Variants in PNPO observed in about 807,000 individuals in gnomAD.
PNPO encodes pyridoxine-5'-phosphate oxidase.
In PNPO, 39 loss-of-function variants were observed where a neutral mutation model predicts 35.0. The observed-to-expected ratio is 1.11, with a 90% confidence interval of 0.86 to 1.45. The LOEUF is 1.45. PNPO is among the 40% of genes most tolerant of loss of function. The probability of loss-of-function intolerance (pLI) is 0.00; values close to 1 mark genes in which losing one functional copy is unlikely to be tolerated. For synonymous variants in PNPO, 115 were observed against 119.8 expected (o/e 0.96, Z 0.26); for missense variants, 288 against 340.0 (o/e 0.85, Z 1.20).
intron 2 of PNPO, 132 bp downstream of exon 2, chr17:47,943,562 AC>A (rs1158394268): frequency 8.5e-5 from 94 of 1,102,670 alleles, no homozygotes; most frequent in Non-Finnish European, 2.8e-5. Context: ...TAGGCAAGAT[AC>A]TTGTCCTCTC....
rs906088958 is a variant in PNPO, at chr17:47,945,469, C to T, written c.364-90C>T. 8 of 965,012 alleles carry T rather than the reference C, an allele frequency of 8.3e-6. No individual in the cohort carries two copies. The highest frequency in any genetic ancestry group is 5.1e-5 in the Admixed American group (3 of 59,124). The allele number at this position is 965,012 out of a possible 1,614,324, so 59.8% of individuals were successfully genotyped here. A position where few individuals can be genotyped will look rare whatever the true frequency, so the allele number is the denominator to read the frequency against. ...GGTGGGTGCATCTGCTGTGGGCCTG[C>T]GCACTACAGCTCTCCTGCCTTTTCC... is the stretch of plus-strand genomic sequence containing the variant. On this transcript the variant is annotated intron_variant, in intron 3 of 6. Transcript: ENST00000642017. The surrounding 1 kb of genome is among the most constrained non-coding windows in gnomAD (Gnocchi z 4.0).
At position 47,945,765 on chromosome 17, in the gene PNPO, G is replaced by C; in HGVS notation, c.418-96G>C. 1 of 1,529,984 alleles carries C rather than the reference G, an allele frequency of 6.5e-7. No homozygotes were observed. The highest frequency in any genetic ancestry group is 1.9e-4 in the Middle Eastern group (1 of 5,336). The allele number at this position is 1,529,984 out of a possible 1,614,324, so 94.8% of individuals were successfully genotyped here. A position where few individuals can be genotyped will look rare whatever the true frequency, so the allele number is the denominator to read the frequency against. ...CCTCAGTTAGTTGGAGCCAAGAGTG[G>C]TGGGGCAGCCGATCGAACAGAGAGG... On this transcript the variant is annotated intron_variant, in intron 4 of 6. Transcript: ENST00000642017. This position sits in a 1 kb window ranked among gnomAD's most constrained non-coding sequence, Gnocchi z 4.0.
intron 6 of PNPO, 43 bp downstream of exon 6, chr17:47,946,436 C>G (rs767729475): frequency 6.6e-7 from 1 of 1,516,134 alleles, no homozygotes; most frequent in Non-Finnish European, 9.2e-7. Flanking sequence ...ACACCAGGCC[C>G]CTGTGTTTAC....
rs1469217093 is a variant in PNPO at position 47,945,168 on chromosome 17, C to T, written c.364-391C>T. The T allele has an allele frequency of 1.3e-5, 5 of 380,590 alleles. No homozygotes were observed. The highest frequency in any genetic ancestry group is 8.7e-4 in the Middle Eastern group (1 of 1,150). The allele number at this position is 380,590 out of a possible 1,614,324, so 23.6% of individuals were successfully genotyped here. ...TCTGTTTTATCTCTGCTGTATCCCC[C>T]GCACGTCTCCTGTTGTCAGACCCAG... On this transcript the variant is annotated intron_variant, in intron 3 of 6. Transcript: ENST00000642017. The surrounding 1 kb of genome is among the most constrained non-coding windows in gnomAD (Gnocchi z 4.0).
chr17:47,941,838 C>CT lies in PNPO; in HGVS notation c.138+26dup, dbSNP rs544265941. Reference sequence around the variant, plus strand: ...GGTGCCGCCGCTAGGGCCAGGCCTCCTGCAGGGGCGGGGGAAAAGGGGTCC... The same window carrying CT: ...GGTGCCGCCGCTAGGGCCAGGCCTCCTTGCAGGGGCGGGGGAAAAGGGGTCC... On this transcript the variant is annotated intron_variant, in intron 1 of 6. Coordinates refer to ENST00000642017, the MANE Select transcript of PNPO (RefSeq NM_018129.4). 72 of 1,547,054 alleles carry CT rather than the reference C, an allele frequency of 4.7e-5. No individual in the cohort carries two copies. The African/African-American group carries it at 9.2e-4, about 20-fold the overall frequency.
At chr17:47,946,024 G>A (rs1340333246) in intron 5 of PNPO, 35 bp downstream of exon 5, 3 of 1,611,764 alleles carry the variant, frequency 1.9e-6, no homozygotes, top group African/African-American at 2.7e-5. Context: ...TCCAGGTGGT[G>A]GAGGCTTTGG....
At chr17:47,943,543 C>T in intron 2 of PNPO, 113 bp downstream of exon 2, 1 of 1,342,530 alleles carries the variant, frequency 7.4e-7, no homozygotes, top group Non-Finnish European at 1.0e-6. Flanking sequence ...TTAACATGCT[C>T]TGTGGCTTTA....
chr17:47,943,413 T>C lies in PNPO; in HGVS notation c.246T>C (p.Cys82=), dbSNP rs779557873. Residue 82 remains cysteine (C), a synonymous_variant, in exon 2 of 7, where the codon TGT becomes TGC. Transcript: ENST00000642017. ...ACATAGGGGAAGCCAATGCCATGTG[T>C]CTGGCTACCTGCACCAGGTGGGCAT... is the stretch of plus-strand genomic sequence containing the variant. The part of the protein sequence containing the change: ...CPDIGEANAM[C]LATCTRDGKP... The C allele has an allele frequency of 6.2e-7, 1 of 1,613,848 alleles. No individual in the cohort carries two copies. The highest frequency in any genetic ancestry group is 1.1e-5 in the South Asian group (1 of 91,084).
rs1422780596 is a variant in PNPO, at chr17:47,949,278, T to G, written c.*2496T>G. On this transcript the variant is annotated 3_prime_UTR_variant, in exon 7 of 7. Transcript: ENST00000642017. ...TGTCCAGCCGTTACCGCCCCCAGTC[T>G]GTAATAAAAGCCTATCAGCCGTGCA... is the stretch of plus-strand genomic sequence containing the variant. 6.6e-6 allele frequency: 1 copy of G among 152,310 alleles called. No individual in the cohort carries two copies. The allele number at this position is 152,310 out of a possible 1,614,324, so 9.4% of individuals were successfully genotyped here. A position where few individuals can be genotyped will look rare whatever the true frequency, so the allele number is the denominator to read the frequency against.
rs750972930 is a variant in PNPO at position 47,945,640 on chromosome 17, G to A, written c.417+28G>A. 1.3e-6 allele frequency: 2 copies of A among 1,592,754 alleles called. No homozygotes were observed. Among genetic ancestry groups the A allele is most frequent in the East Asian group, 4.5e-5 (2 of 44,770 alleles). On this transcript the variant is annotated intron_variant, in intron 4 of 6. Coordinates refer to ENST00000642017, the MANE Select transcript of PNPO (RefSeq NM_018129.4). The surrounding 1 kb of genome is among the most constrained non-coding windows in gnomAD (Gnocchi z 4.0). ...GAGTGAATTTTCCCAGGACAGCCTG[G>A]GATGGGCTGGGTTGGCAGGGCCTGA...
chr17:47,944,513 G>A (rs1039091757), intron 2 of PNPO, 103 bp from the exon 3 acceptor site: 1 of 898,908 alleles, frequency 1.1e-6, no homozygotes, highest in Non-Finnish European at 1.9e-6. Flanking sequence ...CCCAATAAAG[G>A]GGGTGCAGCT....
rs745440177 is a variant in PNPO at position 47,941,648 on chromosome 17, A to G, written c.-28A>G. The G allele has an allele frequency of 3.1e-4, 474 of 1,517,956 alleles. No individual in the cohort carries two copies. Among genetic ancestry groups the G allele is most frequent in the Non-Finnish European group, 3.9e-4 (442 of 1,125,202 alleles). The allele number at this position is 1,517,956 out of a possible 1,614,324, so 94.0% of individuals were successfully genotyped here. On this transcript the variant is annotated 5_prime_UTR_variant, in exon 1 of 7. Transcript: ENST00000642017. The stretch of plus-strand genomic sequence containing the variant: ...TCAAAGGAACCCAGTGCCGGGCCAC[A>G]GCCGGGTCACGTGGCCGGCGGCCCC...
At chr17:47,942,464 G>A (rs551734868) in intron 1 of PNPO, among the ~76,000 whole-genome samples, 1 of 152,088 alleles carries the variant, frequency 6.6e-6, no homozygotes, top group Non-Finnish European at 1.5e-5. Flanking sequence ...CTTTAGGTGG[G>A]TACAGTGACA....
At chr17:47,944,877 A>G in intron 3 of PNPO, 162 bp downstream of exon 3, 1 of 692,306 alleles carries the variant, frequency 1.4e-6, no homozygotes, top group East Asian at 2.7e-5. Flanking sequence ...TCTTTGCCAT[A>G]AATGAATGAA....
rs2035992032 is a variant in PNPO at position 47,945,180 on chromosome 17, G to C, written c.364-379G>C. ...CTGCTGTATCCCCCGCACGTCTCCT[G>C]TTGTCAGACCCAGAGTGGGCACTTC... is the stretch of plus-strand genomic sequence containing the variant. On this transcript the variant is annotated intron_variant, in intron 3 of 6. Transcript: ENST00000642017. This position sits in a 1 kb window ranked among gnomAD's most constrained non-coding sequence, Gnocchi z 4.0. 1 of 384,740 alleles carries C rather than the reference G, an allele frequency of 2.6e-6. No individual in the cohort carries two copies. The highest frequency in any genetic ancestry group is 4.9e-6 in the Non-Finnish European group (1 of 202,150). 23.8% of individuals were successfully genotyped at this position (384,740 alleles called of 1,614,324 possible). A position where few individuals can be genotyped will look rare whatever the true frequency, so the allele number is the denominator to read the frequency against.
chr17:47,942,146 C>A (rs1299456543), intron 1 of PNPO: 4 of 653,960 alleles, frequency 6.1e-6, no homozygotes, highest in African/African-American at 1.9e-5. Context: ...ATCTGCCTCA[C>A]GGGGATGTTA....
In PNPO at chr17:47,946,706, C is replaced by A; in HGVS notation, c.710C>A (p.Pro237His). Reference protein sequence around the residue: ...HDRIVFRRGLPTGDSPLGPMT... With the variant: ...HDRIVFRRGLHTGDSPLGPMT... ...CGGATAGTCTTTCGGCGGGGCCTAC[C>A]CACAGGAGATTCCCCTTTGGGGCCC... The change falls in exon 7 of 7, where the codon CCC becomes CAC. Residue 237 changes from proline (P) to histidine (H), a missense_variant. By Grantham distance (77) the Pro-to-His change is moderately conservative. Transcript: ENST00000642017. The A allele has an allele frequency of 6.2e-7, 1 of 1,614,150 alleles. No individual in the cohort carries two copies. Among genetic ancestry groups the A allele is most frequent in the Non-Finnish European group, 8.5e-7 (1 of 1,180,016 alleles).
rs780977054 is a variant in PNPO at position 47,944,614 on chromosome 17, A to G, written c.264-2A>G. On this transcript the variant is annotated splice_acceptor_variant, in intron 2 of 6. Coordinates refer to ENST00000642017, the MANE Select transcript of PNPO (RefSeq NM_018129.4). LOFTEE classifies it high-confidence loss of function. ...CCACAGTGCTCTGCTCTTTGCTCCT[A>G]GAGATGGAAAACCCTCTGCTCGCAT... The G allele has an allele frequency of 8.1e-6, 13 of 1,611,350 alleles. No individual in the cohort carries two copies. Among genetic ancestry groups the G allele is most frequent in the Non-Finnish European group, 1.0e-5 (12 of 1,177,544 alleles).
In PNPO at chr17:47,947,286, G is replaced by A. The variant is rs562654007; in HGVS notation, c.*504G>A. On this transcript the variant is annotated 3_prime_UTR_variant, in exon 7 of 7. Transcript: ENST00000642017. ...CATTCATAGCAGCCAGGAAACAATA[G>A]GAACCAAAAGCCTCTGCCTGCTGCT... The A allele has an allele frequency of 3.0e-5, 5 of 166,218 alleles. No homozygotes were observed. In the South Asian group the frequency reaches 7.3e-4, roughly 24 times the overall value. 10.3% of individuals were successfully genotyped at this position (166,218 alleles called of 1,614,324 possible).
Sources: gnomAD v4.1 joint callset for allele counts (sites outside exome capture counted in the v4.1 genomes callset) on GRCh38, gnomAD v4.1.1 for gene constraint, Gnocchi (gnomAD v3.1) non-coding constraint, MANE v1.5 for transcripts, NCBI Gene and HGNC (gene_info 2026-07-23, HGNC 2026-07-21) for gene names.